PLCH2: variants seen among roughly 807,000 people sequenced by gnomAD.
PLCH2 encodes phospholipase C eta 2, also known as 1-phosphatidylinositol 4,5-bisphosphate phosphodiesterase eta-2.
PLCH2 carries 98 observed loss-of-function variants against 134.7 expected under a neutral mutation model. The ratio of observed to expected loss-of-function variants is 0.73; its 90% confidence interval spans 0.62 to 0.86. The LOEUF is 0.86. Among genes scored for constraint, PLCH2 ranks in the 40% least tolerant of loss-of-function variants. PLCH2 has a pLI of 0.00. For missense variants in PLCH2, 1,994 were observed against 1,986.6 expected, an observed-to-expected ratio of 1.00 and a Z score of -0.07; for synonymous variants, 974 against 827.5, an observed-to-expected ratio of 1.18 and a Z score of -3.04.
At chr1:2,458,403 C>T (rs899961716) in intron 2 of PLCH2, among the ~76,000 whole-genome samples, 1 of 152,194 alleles carries the variant, frequency 6.6e-6, no homozygotes, top group Non-Finnish European at 1.5e-5. Context: ...AGCCGGGACC[C>T]ATGACACAGG....
chr1:2,488,510 T>C (rs1322755665), intron 8 of PLCH2, among the ~76,000 whole-genome samples: 1 of 152,254 alleles, frequency 6.6e-6, no homozygotes, highest in Non-Finnish European at 1.5e-5. Context: ...GCCTGCCCAC[T>C]CCACATCACA....
chr1:2,458,188 G>A (rs1323041890), intron 2 of PLCH2, among the ~76,000 whole-genome samples: 1 of 152,218 alleles, frequency 6.6e-6, no homozygotes, highest in Non-Finnish European at 1.5e-5. Context: ...AGGACACCGG[G>A]CTGCCTGGGG....
chr1:2,439,021 C>T lies in PLCH2; in HGVS notation c.115+8392C>T, dbSNP rs1363119534. On this transcript the variant is annotated intron_variant, in intron 2 of 3. Coordinates refer to the PLCH2 transcript ENST00000609981. The surrounding 1 kb of genome is among the most constrained non-coding windows in gnomAD (Gnocchi z 4.7). ...CTCCAGGTAGAAGTGGCTTTGACTA[C>T]GCCCTCCCAGCCCTGACCCAGCTCC... 3.3e-5 allele frequency among the ~76,000 whole-genome samples: 5 copies of T among 152,336 alleles called. No homozygotes were observed. Among genetic ancestry groups the T allele is most frequent in the Non-Finnish European group, 5.9e-5 (4 of 68,024 alleles).
intron 2 of PLCH2, among the ~76,000 whole-genome samples, chr1:2,451,607 G>A (rs1267618274): frequency 2.0e-5 from 3 of 152,148 alleles, no homozygotes; most frequent in East Asian, 1.9e-4. Context: ...GGGAGTCTGC[G>A]CCATGGGTGG....
At chr1:2,424,040 G>A (rs1313989149), upstream of PLCH2, among the ~76,000 whole-genome samples, 1 of 152,010 alleles carries the variant, frequency 6.6e-6, no homozygotes, top group Non-Finnish European at 1.5e-5. Context: ...GAGCCTCTGT[G>A]CCCGGCCTGT....
chr1:2,458,673 C>T (rs996099265), intron 2 of PLCH2, among the ~76,000 whole-genome samples: 1 of 147,678 alleles, frequency 6.8e-6, no homozygotes, highest in African/African-American at 2.5e-5. Flanking sequence ...CCTGAGGAGG[C>T]TCTGGCTCTG....
At chr1:2,420,154 C>A in the PLCH2 span, among the ~76,000 whole-genome samples, 6 of 151,872 alleles carry the variant, frequency 4.0e-5, no homozygotes, top group Non-Finnish European at 8.8e-5. Context: ...CTCAGACAGG[C>A]CCCCCGCCCC....
At chr1:2,426,398 G>T (rs1350488675) in intron 1 of PLCH2, among the ~76,000 whole-genome samples, 1 of 152,180 alleles carries the variant, frequency 6.6e-6, no homozygotes, top group Non-Finnish European at 1.5e-5. Flanking sequence ...CACTGAGTGG[G>T]GCTCCGGGGT....
intron 15 of PLCH2, 55 bp from the exon 16 acceptor site, chr1:2,497,447 G>A: frequency 1.6e-6 from 2 of 1,270,228 alleles, no homozygotes; most frequent in Non-Finnish European, 2.2e-6. Flanking sequence ...GGTGGGCGGG[G>A]CACACACCTG....
chr1:2,448,332 G>T lies in PLCH2; in HGVS notation c.115+17703G>T, dbSNP rs1383701549. On this transcript the variant is annotated intron_variant, in intron 2 of 3. Transcript: ENST00000609981. This position sits in a 1 kb window ranked among gnomAD's most constrained non-coding sequence, Gnocchi z 4.0. ...GCCGCGCTCCCTCTGCAGGCTCCCCGGGAGGAACTTCCTGGCCTCCTCCAG... is the reference window on the plus strand; with the variant it reads ...GCCGCGCTCCCTCTGCAGGCTCCCCTGGAGGAACTTCCTGGCCTCCTCCAG... Among the ~76,000 whole-genome samples, 1 of 152,116 alleles carries T rather than the reference G, an allele frequency of 6.6e-6. No homozygotes were observed. Among genetic ancestry groups the T allele is most frequent in the Admixed American group, 6.5e-5 (1 of 15,276 alleles).
chr1:2,428,584 C>T (rs962426893), intron 1 of PLCH2, among the ~76,000 whole-genome samples: 59 of 152,388 alleles, frequency 3.9e-4, no homozygotes, highest in African/African-American at 1.3e-3. Flanking sequence ...GCCGACGTGG[C>T]GTTGTTGCCT....
At chr1:2,477,236 G>C (rs911645257) in intron 1 of PLCH2, among the ~76,000 whole-genome samples, 2 of 152,134 alleles carry the variant, frequency 1.3e-5, no homozygotes, top group African/African-American at 4.8e-5. Flanking sequence ...TCCTGTCCAG[G>C]CTGCCCTGTT....
At chr1:2,436,221 G>C (rs114064975) in intron 2 of PLCH2, among the ~76,000 whole-genome samples, 126 of 57,330 alleles carry the variant, frequency 2.2e-3, no homozygotes, top group African/African-American at 7.7e-3. Flanking sequence ...CTTCCTTCCT[G>C]CCTCCTCCTT....
chr1:2,418,647 T>A, the PLCH2 span, among the ~76,000 whole-genome samples: 1 of 152,238 alleles, frequency 6.6e-6, no homozygotes, highest in African/African-American at 2.4e-5. Context: ...GCTCAGGATC[T>A]TCAGTCAGGC....
At chr1:2,500,816 TCC>T in intron 20 of PLCH2, 1 of 33,590 alleles carries the variant, frequency 3.0e-5, no homozygotes, top group Admixed American at 2.8e-4. Context: ...CCTCCCTCAG[TCC>T]TCCCTCCCCT....
At chr1:2,476,833 C>T (rs1263935740) in intron 1 of PLCH2, 121 bp downstream of exon 1, 2 of 1,044,878 alleles carry the variant, frequency 1.9e-6, no homozygotes, top group Admixed American at 3.1e-5. Context: ...GCACTCGCCT[C>T]CCCTGTCCCC....
chr1:2,437,976 C>T (rs151274787), intron 2 of PLCH2, among the ~76,000 whole-genome samples: 7 of 152,346 alleles, frequency 4.6e-5, no homozygotes, highest in African/African-American at 1.4e-4. Context: ...CCTCTGCCAC[C>T]CCACCCCAAC....
chr1:2,495,698 T>A (rs1039208497), intron 13 of PLCH2, 128 bp downstream of exon 13: 1 of 634,146 alleles, frequency 1.6e-6, no homozygotes, highest in Non-Finnish European at 2.7e-6. Flanking sequence ...TCTTGGCCCC[T>A]GGAAGCAGTG....
At chr1:2,423,246 G>A (rs181684271), upstream of PLCH2, among the ~76,000 whole-genome samples, 4 of 152,238 alleles carry the variant, frequency 2.6e-5, no homozygotes, top group East Asian at 5.8e-4. Context: ...GGAATGCAGT[G>A]GCACCATCAC....
Sources: gnomAD v4.1 joint callset for allele counts (sites outside exome capture counted in the v4.1 genomes callset) on GRCh38, gnomAD v4.1.1 for gene constraint, Gnocchi (gnomAD v3.1) non-coding constraint, MANE v1.5 for transcripts, NCBI Gene and HGNC (gene_info 2026-07-23, HGNC 2026-07-21) for gene names.